Variants in DDX55 observed in about 807,000 individuals in gnomAD.
DDX55 encodes the protein ATP-dependent RNA helicase DDX55.
DDX55 carries 56 observed loss-of-function variants against 69.2 expected under a neutral mutation model. The ratio of observed to expected loss-of-function variants is 0.81; its 90% confidence interval spans 0.65 to 1.01. The LOEUF (loss-of-function observed/expected upper bound fraction) is 1.01. DDX55 is among the 50% of genes least tolerant of loss of function. DDX55 has a pLI of 0.00. For synonymous variants in DDX55, 268 were observed against 273.1 expected (o/e 0.98, Z 0.18); for missense variants, 720 against 745.1 (o/e 0.97, Z 0.39).
chr12:123,611,055 A>AT (rs1954205283), intron 7 of DDX55, among the ~76,000 whole-genome samples: 1 of 151,844 alleles, frequency 6.6e-6, no homozygotes, highest in African/African-American at 2.4e-5. Flanking sequence ...ATGTGCCACC[A>AT]TGCCCAGCTA....
At position 123,607,446 on chromosome 12, in the gene DDX55, C is replaced by A; in HGVS notation, c.261C>A (p.Ile87=). 6.2e-7 allele frequency: 1 copy of A among 1,614,120 alleles called. No individual in the cohort carries two copies. ...KLKKSQVGAI[I]ITPTRELAIQ... is the part of the protein sequence containing the mutation. ...CATGTGGGTAGGTTGGAGCCATAATCATCACCCCCACTCGAGAGCTGGCCA... is the reference window on the plus strand; with the variant it reads ...CATGTGGGTAGGTTGGAGCCATAATAATCACCCCCACTCGAGAGCTGGCCA... Residue 87 remains isoleucine (I), a synonymous_variant, in exon 4 of 14, where the codon ATC becomes ATA. Transcript: ENST00000238146.
chr12:123,615,501 A>G (rs951123560), intron 9 of DDX55, among the ~76,000 whole-genome samples, 185 bp downstream of exon 9: 1 of 152,102 alleles, frequency 6.6e-6, no homozygotes, highest in African/African-American at 2.4e-5. Flanking sequence ...GCCCTGTTCC[A>G]ATTGCTTTGC....
At chr12:123,604,435 G>A (rs184013500) in intron 1 of DDX55, among the ~76,000 whole-genome samples, 5 of 152,130 alleles carry the variant, frequency 3.3e-5, no homozygotes, top group East Asian at 1.9e-4. Flanking sequence ...TAAGATTCCC[G>A]GGAATGTGGA....
rs1566211882 is a variant in DDX55, at chr12:123,620,629, A to AG, written c.*490dup. 4.1e-4 allele frequency: 25 copies of AG among 60,856 alleles called. 1 individual carries two copies. Among genetic ancestry groups the AG allele is most frequent in the African/African-American group, 1.4e-3 (25 of 18,240 alleles). 3.8% of individuals were successfully genotyped at this position (60,856 alleles called of 1,614,324 possible). ...ATATATATATATATATATATATATAAGCTCTTTTTTCTGAGGCTATTTTAT... is the reference window on the plus strand; with the variant it reads ...ATATATATATATATATATATATATAAGGCTCTTTTTTCTGAGGCTATTTTAT... On this transcript the variant is annotated 3_prime_UTR_variant, in exon 14 of 14. Coordinates refer to ENST00000238146, the MANE Select transcript of DDX55 (RefSeq NM_020936.3).
At chr12:123,610,292 G>A (rs936405227) in intron 7 of DDX55, among the ~76,000 whole-genome samples, 164 bp downstream of exon 7, 13 of 152,202 alleles carry the variant, frequency 8.5e-5, no homozygotes, top group Non-Finnish European at 1.3e-4. Flanking sequence ...CTCATTGAAT[G>A]AATAAGTTAA....
intron 11 of DDX55, chr12:123,618,377 A>C: frequency 1.4e-6 from 1 of 729,896 alleles, no homozygotes. Context: ...CCTGTGTGGT[A>C]GCATGCCCTG....
intron 12 of DDX55, 97 bp downstream of exon 12, chr12:123,618,934 C>T: frequency 6.5e-7 from 1 of 1,527,730 alleles, no homozygotes. Flanking sequence ...GAAGTGTTCC[C>T]AGGTTTTGAG....
chr12:123,604,864 A>G (rs1353800599), intron 1 of DDX55: 1 of 152,172 alleles, frequency 6.6e-6, no homozygotes, highest in Admixed American at 6.5e-5. Context: ...TTGGACAGCA[A>G]TGGCCTGAAG....
intron 1 of DDX55, among the ~76,000 whole-genome samples, chr12:123,603,102 T>C (rs1033404929): frequency 1.3e-5 from 2 of 152,204 alleles, no homozygotes; most frequent in Non-Finnish European, 2.9e-5. Flanking sequence ...GTGCAGGGTC[T>C]TGTAGGCGCT....
At chr12:123,619,813 G>T (rs1955010122) in intron 13 of DDX55, 89 bp downstream of exon 13, 1 of 1,517,812 alleles carries the variant, frequency 6.6e-7, no homozygotes. Flanking sequence ...GGGGCTGTCA[G>T]ATTTCTGTTA....
chr12:123,610,640 C>G (rs1281779552), intron 7 of DDX55, among the ~76,000 whole-genome samples: 1 of 116,690 alleles, frequency 8.6e-6, no homozygotes, highest in Non-Finnish European at 1.6e-5. Context: ...GAGACAGAGT[C>G]TGGCTCTGTC....
Position 123,610,045 on chromosome 12 carries a change from C to T in DDX55, c.658C>T (p.Pro220Ser). The T allele has an allele frequency of 6.2e-7, 1 of 1,614,132 alleles. No homozygotes were observed. The highest frequency in any genetic ancestry group is 8.5e-7 in the Non-Finnish European group (1 of 1,180,032). ...ENLVRAGLRN[P>S]VRVSVKEKGV... ...CCTGGTGAGAGCGGGCCTCCGGAAC[C>T]CTGTCCGGGTCTCAGTGAAGGAGAA... The change falls in exon 7 of 14, where the codon CCT becomes TCT. Residue 220 changes from proline to serine, a missense_variant. By Grantham distance (74) the Pro-to-Ser change is moderately conservative. Transcript: ENST00000238146.
intron 11 of DDX55, 28 bp from the exon 12 acceptor site, chr12:123,618,641 T>C (rs1195141533): frequency 6.3e-7 from 1 of 1,599,678 alleles, no homozygotes; most frequent in Admixed American, 1.7e-5. Flanking sequence ...CCAGGGAAGG[T>C]GAGAATGTGG....
chr12:123,613,072 A>G (rs575175523), intron 7 of DDX55, 98 bp from the exon 8 acceptor site: 7 of 1,280,008 alleles, frequency 5.5e-6, no homozygotes, highest in Admixed American at 3.7e-5. Context: ...CCATGGGGGA[A>G]ATGACATTCC....
intron 12 of DDX55, 62 bp downstream of exon 12, chr12:123,618,899 A>AT: frequency 3.2e-6 from 5 of 1,579,718 alleles, no homozygotes; most frequent in South Asian, 2.3e-5. Context: ...TCTTACAAGT[A>AT]TGAGATTGCT....
intron 1 of DDX55, chr12:123,605,400 A>G (rs935914870): frequency 1.6e-5 from 3 of 182,618 alleles, no homozygotes; most frequent in African/African-American, 7.1e-5. Context: ...GGGGATAGCA[A>G]TCACTGTGTA....
At chr12:123,617,709 G>GT in intron 10 of DDX55, 49 bp from the exon 11 acceptor site, 1 of 1,534,754 alleles carries the variant, frequency 6.5e-7, no homozygotes, top group South Asian at 1.2e-5. Flanking sequence ...CCTGAGCTCT[G>GT]TTCAGCTGTC....
At chr12:123,606,502 G>A (rs1953900063) in intron 3 of DDX55, among the ~76,000 whole-genome samples, 1 of 152,098 alleles carries the variant, frequency 6.6e-6, no homozygotes, top group African/African-American at 2.4e-5. Context: ...GGTCATGGGC[G>A]TGGGCAGAGC....
At position 123,618,794 on chromosome 12, in the gene DDX55, A is replaced by G. The variant is rs756500946; in HGVS notation, c.1290A>G (p.Gln430=). The G allele has an allele frequency of 5.0e-6, 8 of 1,614,142 alleles. No homozygotes were observed. The South Asian group carries it at 7.7e-5, about 16-fold the overall frequency. Residue 430 remains glutamine, a synonymous_variant, in exon 12 of 14, where the codon CAA becomes CAG. Coordinates refer to ENST00000238146, the MANE Select transcript of DDX55 (RefSeq NM_020936.3). ...KGMKAFVSYV[Q]AYAKHECNLI... is the part of the protein sequence containing the mutation. ...TGAAAGCTTTTGTGTCATATGTCCAAGCTTATGCAAAGCATGAATGCAACC... is the reference window on the plus strand; with the variant it reads ...TGAAAGCTTTTGTGTCATATGTCCAGGCTTATGCAAAGCATGAATGCAACC...
Sources: allele counts gnomAD v4.1 joint callset (sites outside exome capture counted in the v4.1 genomes callset), GRCh38; gene constraint gnomAD v4.1.1; transcripts MANE v1.5; gene names NCBI Gene and HGNC (gene_info 2026-07-23, HGNC 2026-07-21).